Variants in FBXL5 observed in about 807,000 individuals in gnomAD.
The protein encoded by FBXL5 is F-box/LRR-repeat protein 5.
Under a neutral mutation model 78.3 loss-of-function variants are expected in FBXL5, and 26 were observed. The observed-to-expected ratio is 0.33, with a 90% CI of 0.24 to 0.46. FBXL5 has a LOEUF of 0.46. Among genes scored for constraint, FBXL5 ranks in the 20% least tolerant of loss-of-function variants. The probability of loss-of-function intolerance (pLI) is 1.00; values close to 1 mark genes in which losing one functional copy is unlikely to be tolerated. For synonymous variants in FBXL5, 295 were observed against 282.5 expected (o/e 1.04, Z -0.45); for missense variants, 710 against 829.2 (o/e 0.86, Z 1.77).
intron 1 of FBXL5, among the ~76,000 whole-genome samples, chr4:15,678,796 T>C (rs1427820598): frequency 1.3e-5 from 2 of 152,186 alleles, no homozygotes; most frequent in East Asian, 1.9e-4. Context: ...AATGTCACTG[T>C]CTTCATTTTT....
chr4:15,675,643 G>A (rs961423327), intron 1 of FBXL5, among the ~76,000 whole-genome samples: 4 of 139,176 alleles, frequency 2.9e-5, no homozygotes, highest in African/African-American at 5.4e-5. Flanking sequence ...GTGCAATGGC[G>A]CCATCTCAGC....
intron 5 of FBXL5, among the ~76,000 whole-genome samples, chr4:15,633,763 A>G (rs909733750): frequency 2.6e-5 from 4 of 151,982 alleles, no homozygotes; most frequent in Non-Finnish European, 5.9e-5. Context: ...TGGCTAATTT[A>G]TTTGTATTTG....
At chr4:15,676,119 C>G (rs1717983911) in intron 1 of FBXL5, among the ~76,000 whole-genome samples, 2 of 152,178 alleles carry the variant, frequency 1.3e-5, no homozygotes, top group African/African-American at 4.8e-5. Flanking sequence ...GATATGACTA[C>G]AGAGCAACCC....
chr4:15,605,020 C>T lies in FBXL5; in HGVS notation c.*703G>A, dbSNP rs1249755553. 1 of 152,446 alleles carries T rather than the reference C, an allele frequency of 6.6e-6. No homozygotes were observed. Among genetic ancestry groups the T allele is most frequent in the East Asian group, 1.9e-4 (1 of 5,196 alleles). 9.4% of individuals were successfully genotyped at this position (152,446 alleles called of 1,614,324 possible). ...ACACAACAGTATTACTTGGTAAAGTCCTCAAAGTAGATTTTATTTATACAT... is the reference window on the plus strand; with the variant it reads ...ACACAACAGTATTACTTGGTAAAGTTCTCAAAGTAGATTTTATTTATACAT... On this transcript the variant is annotated 3_prime_UTR_variant, in exon 11 of 11. Transcript: ENST00000341285.
intron 10 of FBXL5, among the ~76,000 whole-genome samples, chr4:15,606,699 CA>C (rs1217227779): frequency 6.6e-6 from 1 of 152,070 alleles, no homozygotes; most frequent in African/African-American, 2.4e-5. Flanking sequence ...CTTTACATAT[CA>C]ACAAGAACAA....
chr4:15,657,003 C>G (rs1176741630), upstream of FBXL5, among the ~76,000 whole-genome samples: 1 of 149,962 alleles, frequency 6.7e-6, no homozygotes, highest in South Asian at 2.1e-4. Context: ...CACAGTCTGT[C>G]TTAAGAAGCA....
intron 10 of FBXL5, among the ~76,000 whole-genome samples, chr4:15,608,275 G>T (rs1393319661): frequency 6.6e-6 from 1 of 151,958 alleles, no homozygotes; most frequent in Non-Finnish European, 1.5e-5. Context: ...ACTCAAAGGA[G>T]CAAACAGATC....
chr4:15,638,490 T>C lies in FBXL5; in HGVS notation c.583+18A>G. 1 of 1,537,446 alleles carries C rather than the reference T, an allele frequency of 6.5e-7. No homozygotes were observed. ...ACCTTACAACTAATAAATTGTTCTT[T>C]ATATATATGAATCTCACCTTTATCT... On this transcript the variant is annotated intron_variant, in intron 4 of 10. Coordinates refer to ENST00000341285, the MANE Select transcript of FBXL5 (RefSeq NM_012161.4).
rs547861707 is a variant in FBXL5 at position 15,670,840 on chromosome 4, G to C, written c.-284+10543C>G. Among the ~76,000 whole-genome samples, 5 of 149,908 alleles carry C rather than the reference G, an allele frequency of 3.3e-5. No individual in the cohort carries two copies. In the East Asian group the frequency reaches 9.8e-4, roughly 29 times the overall value. On this transcript the variant is annotated intron_variant, in intron 1 of 4. Transcript: ENST00000507899. Reference sequence around the variant, plus strand: ...ACATTTCTGGTACAACGGATCTACTGATGAATCCTTTCAGTTGTTGTCTGA... The same window carrying C: ...ACATTTCTGGTACAACGGATCTACTCATGAATCCTTTCAGTTGTTGTCTGA...
At chr4:15,638,796 T>C (rs1260759254) in intron 3 of FBXL5, 102 bp from the exon 4 acceptor site, 4 of 686,870 alleles carry the variant, frequency 5.8e-6, no homozygotes, top group African/African-American at 3.7e-5. Flanking sequence ...ATTATGACCA[T>C]ATATCTCAAA....
chr4:15,650,916 C>T (rs1715948707), intron 1 of FBXL5, among the ~76,000 whole-genome samples: 1 of 152,028 alleles, frequency 6.6e-6, no homozygotes, highest in African/African-American at 2.4e-5. Flanking sequence ...AGGCATGAGC[C>T]ACTGCACCCA....
At chr4:15,660,023 A>AG (rs1553855785), upstream of FBXL5, 4 of 152,044 alleles carry the variant, frequency 2.6e-5, no homozygotes, top group Admixed American at 1.3e-4. Context: ...GCCTACAGAG[A>AG]GGGGAAAAAA....
At chr4:15,676,010 C>T (rs1717981793) in intron 1 of FBXL5, among the ~76,000 whole-genome samples, 1 of 152,160 alleles carries the variant, frequency 6.6e-6, no homozygotes, top group South Asian at 2.1e-4. Flanking sequence ...TGAAAAAGAG[C>T]TCTACTTTTA....
At chr4:15,652,266 CAAA>C (rs956619148) in intron 1 of FBXL5, among the ~76,000 whole-genome samples, 9 of 151,990 alleles carry the variant, frequency 5.9e-5, no homozygotes, top group African/African-American at 2.2e-4. Context: ...AGATTGTTCC[CAAA>C]AAAGTAAGAA....
intron 1 of FBXL5, among the ~76,000 whole-genome samples, chr4:15,666,649 A>G (rs1338807101): frequency 6.6e-6 from 1 of 151,838 alleles, no homozygotes; most frequent in East Asian, 1.9e-4. Flanking sequence ...TGGGAAACAT[A>G]GTGAGACCTT....
chr4:15,633,616 C>CA (rs1713918232), intron 5 of FBXL5, among the ~76,000 whole-genome samples: 1 of 152,178 alleles, frequency 6.6e-6, no homozygotes, highest in African/African-American at 2.4e-5. Context: ...TTTCTGGAGA[C>CA]AGAGTCTCAC....
At position 15,626,965 on chromosome 4, in the gene FBXL5, A is replaced by G. The variant is rs1183297439; in HGVS notation, c.1042-10T>C. The G allele has an allele frequency of 1.9e-6, 3 of 1,586,282 alleles. No homozygotes were observed. In the Admixed American group the frequency reaches 5.1e-5, roughly 27 times the overall value. On this transcript the variant is annotated splice_polypyrimidine_tract_variant and intron_variant, in intron 7 of 10. Transcript: ENST00000341285. ...CTAAAATCTGCCTAACCTAAAAGGC[A>G]AGAAATTGTCACTGTAAAGATCTGC... is the stretch of plus-strand genomic sequence containing the variant.
intron 5 of FBXL5, among the ~76,000 whole-genome samples, chr4:15,634,959 CTAAT>C (rs1205023659): frequency 6.6e-6 from 1 of 152,080 alleles, no homozygotes; most frequent in African/African-American, 2.4e-5. Context: ...CACATAACAA[CTAAT>C]TATTTAGACG....
At chr4:15,679,372 A>G (rs1258441270) in intron 1 of FBXL5, among the ~76,000 whole-genome samples, 1 of 152,072 alleles carries the variant, frequency 6.6e-6, no homozygotes, top group African/African-American at 2.4e-5. Context: ...CTCTTTAACA[A>G]TTATTAATTA....
Sources: gnomAD v4.1 joint callset for allele counts (sites outside exome capture counted in the v4.1 genomes callset) on GRCh38, gnomAD v4.1.1 for gene constraint, MANE v1.5 for transcripts, NCBI Gene and HGNC (gene_info 2026-07-23, HGNC 2026-07-21) for gene names.